Variants in PARD3B observed in about 807,000 individuals in gnomAD.
PARD3B encodes the protein par-3 family cell polarity regulator beta.
Under a neutral mutation model 130.2 loss-of-function variants are expected in PARD3B, and 103 were observed. That is an observed-to-expected ratio of 0.79 (90% CI 0.67 to 0.93). The LOEUF is 0.93. PARD3B is among the 40% of genes least tolerant of loss of function. The pLI, the probability that PARD3B is intolerant of heterozygous loss-of-function variation, is 0.00. For missense variants in PARD3B, 1,609 were observed against 1,499.2 expected (o/e 1.07, Z -1.21); for synonymous variants, 583 against 553.2 (o/e 1.05, Z -0.76).
intron 18 of PARD3B, among the ~76,000 whole-genome samples, chr2:205,339,956 A>T (rs1056000190): frequency 4.7e-5 from 7 of 149,020 alleles, no homozygotes; most frequent in Non-Finnish European, 1.0e-4. Flanking sequence ...AAACAGGAAA[A>T]TGTATCTTTT....
intron 4 of PARD3B, among the ~76,000 whole-genome samples, chr2:205,100,789 T>C (rs1373907574): frequency 2.0e-5 from 3 of 152,060 alleles, no homozygotes; most frequent in Non-Finnish European, 4.4e-5. Flanking sequence ...GATATCCACA[T>C]GCAAAGAATG....
intron 20 of PARD3B, among the ~76,000 whole-genome samples, chr2:205,479,451 T>A (rs1166359500): frequency 2.0e-5 from 3 of 152,136 alleles, no homozygotes; most frequent in African/African-American, 7.2e-5. Context: ...AACCTATGAA[T>A]GATCACCATG....
At position 205,248,808 on chromosome 2, in the gene PARD3B, C is replaced by A. The variant is rs901428843; in HGVS notation, c.2185+2986C>A. Among the ~76,000 whole-genome samples the A allele has an allele frequency of 5.9e-5, 9 of 151,500 alleles. 1 individual carries two copies. The South Asian group carries it at 1.5e-3, about 25-fold the overall frequency. ...ATTTTCAGTAGAGACAAGGTTTCAC[C>A]ATGTTAGCCAGGATGGTTTCGATCT... On this transcript the variant is annotated intron_variant, in intron 16 of 22. Coordinates refer to ENST00000406610, the MANE Select transcript of PARD3B (RefSeq NM_001302769.2).
chr2:205,006,642 C>T (rs1695288160), intron 3 of PARD3B, among the ~76,000 whole-genome samples: 1 of 152,010 alleles, frequency 6.6e-6, no homozygotes. Flanking sequence ...GTCCTTTGCC[C>T]ACTTTTTGAT....
chr2:205,454,290 A>G (rs1279807250), intron 20 of PARD3B, among the ~76,000 whole-genome samples: 1 of 152,102 alleles, frequency 6.6e-6, no homozygotes, highest in African/African-American at 2.4e-5. Context: ...TAATTTTTGT[A>G]TTTAATGCAA....
In PARD3B at chr2:205,351,519, G is replaced by A. The variant is rs904587554; in HGVS notation, c.2631-49494G>A. ...ATAAGCAATTTGGGCTGGAGTGAGA[G>A]GCGAGGAAGAAAGCCACAGCCAAGA... On this transcript the variant is annotated intron_variant, in intron 18 of 22. Transcript: ENST00000406610. This position sits in a 1 kb window ranked among gnomAD's most constrained non-coding sequence, Gnocchi z 4.2. Among the ~76,000 whole-genome samples, 7 of 152,116 alleles carry A rather than the reference G, an allele frequency of 4.6e-5. 1 individual carries two copies. The highest frequency in any genetic ancestry group is 9.7e-5 in the African/African-American group (4 of 41,418).
chr2:204,681,280 TG>T (rs1421363690), intron 1 of PARD3B, among the ~76,000 whole-genome samples: 1 of 152,196 alleles, frequency 6.6e-6, no homozygotes, highest in East Asian at 1.9e-4. Flanking sequence ...TTTTTAGATC[TG>T]GAAGTAAATA....
intron 2 of PARD3B, among the ~76,000 whole-genome samples, chr2:204,741,766 G>A (rs983461282): frequency 6.6e-6 from 1 of 152,098 alleles, no homozygotes; most frequent in African/African-American, 2.4e-5. Context: ...TCCCAGTGGG[G>A]ACACAAGCCA....
chr2:205,577,920 A>G (rs2106562224), intron 22 of PARD3B, among the ~76,000 whole-genome samples: 1 of 152,320 alleles, frequency 6.6e-6, no homozygotes, highest in African/African-American at 2.4e-5. Context: ...CTTCTATAAC[A>G]TTTATTTCTG....
intron 11 of PARD3B, among the ~76,000 whole-genome samples, chr2:205,167,456 A>T (rs939630785): frequency 2.6e-5 from 4 of 152,176 alleles, no homozygotes; most frequent in African/African-American, 9.7e-5. Flanking sequence ...TCACTAGCAG[A>T]TTGTTTGAAA....
rs1348120476 is a variant in PARD3B at position 205,158,118 on chromosome 2, A to G, written c.1435-604A>G. 6.6e-6 allele frequency among the ~76,000 whole-genome samples: 1 copy of G among 152,194 alleles called. No homozygotes were observed. The highest frequency in any genetic ancestry group is 2.4e-5 in the African/African-American group (1 of 41,442). The stretch of plus-strand genomic sequence containing the variant: ...ATGCAGGCTGAAAGCATGAGTTTTG[A>G]CAAAGTGAAATTTCATTTGATGATA... On this transcript the variant is annotated intron_variant, in intron 10 of 22. Transcript: ENST00000406610. This position sits in a 1 kb window ranked among gnomAD's most constrained non-coding sequence, Gnocchi z 5.4.
At chr2:204,843,335 C>T (rs919435197) in intron 2 of PARD3B, among the ~76,000 whole-genome samples, 2 of 152,110 alleles carry the variant, frequency 1.3e-5, no homozygotes, top group Admixed American at 1.3e-4. Context: ...TATATCTATG[C>T]TGCATAATCA....
At chr2:204,914,644 T>A (rs1362688653) in intron 2 of PARD3B, among the ~76,000 whole-genome samples, 1 of 152,166 alleles carries the variant, frequency 6.6e-6, no homozygotes, top group East Asian at 1.9e-4. Context: ...AGAAACCTCC[T>A]GTGGACCCCA....
intron 3 of PARD3B, among the ~76,000 whole-genome samples, chr2:205,023,564 T>C (rs1696792857): frequency 7.5e-6 from 1 of 133,874 alleles, no homozygotes; most frequent in African/African-American, 2.8e-5. Flanking sequence ...CCTGTTTTTT[T>C]AAACTGGGAA....
At chr2:204,608,615 C>T (rs971678851) in intron 1 of PARD3B, among the ~76,000 whole-genome samples, 5 of 152,134 alleles carry the variant, frequency 3.3e-5, no homozygotes, top group African/African-American at 1.2e-4. Flanking sequence ...TTGGTTGGCT[C>T]AGTAGATTTT....
intron 3 of PARD3B, among the ~76,000 whole-genome samples, chr2:205,001,702 C>A (rs1462463375): frequency 1.3e-5 from 2 of 152,156 alleles, no homozygotes; most frequent in Admixed American, 1.3e-4. Context: ...GGCAGGGAGG[C>A]GTAATGTGCT....
Position 204,583,067 on chromosome 2 carries a change from C to T in PARD3B, c.120+36948C>T, listed in dbSNP as rs904592780. Among the ~76,000 whole-genome samples, 7 of 148,934 alleles carry T rather than the reference C, an allele frequency of 4.7e-5. 1 individual carries two copies. In the South Asian group the frequency reaches 8.8e-4, roughly 19 times the overall value. On this transcript the variant is annotated intron_variant, in intron 1 of 22. Coordinates refer to ENST00000406610, the MANE Select transcript of PARD3B (RefSeq NM_001302769.2). ...TCAACCATTGTGGAAGTCAGTGTGG[C>T]GATTCCTCAGGGATCTAGAACTAGA... is the stretch of plus-strand genomic sequence containing the variant.
At position 204,678,685 on chromosome 2, in the gene PARD3B, C is replaced by T. The variant is rs1285750091; in HGVS notation, c.121-7496C>T. On this transcript the variant is annotated intron_variant, in intron 1 of 22. Coordinates refer to ENST00000406610, the MANE Select transcript of PARD3B (RefSeq NM_001302769.2). This position sits in a 1 kb window ranked among gnomAD's most constrained non-coding sequence, Gnocchi z 4.2. Reference sequence around the variant, plus strand: ...CGCAGTTGCTTCTCCTCTCGATGTTCAGCCGCTTGTCTCTCTGCCAGCTGA... The same window carrying T: ...CGCAGTTGCTTCTCCTCTCGATGTTTAGCCGCTTGTCTCTCTGCCAGCTGA... 1.3e-5 allele frequency among the ~76,000 whole-genome samples: 2 copies of T among 152,170 alleles called. No homozygotes were observed. Among genetic ancestry groups the T allele is most frequent in the Non-Finnish European group, 2.9e-5 (2 of 67,988 alleles).
chr2:205,144,760 G>C (rs1187992282), intron 10 of PARD3B, among the ~76,000 whole-genome samples: 1 of 152,076 alleles, frequency 6.6e-6, no homozygotes, highest in Non-Finnish European at 1.5e-5. Context: ...TCTCTACTTG[G>C]AATTTCGAAT....
Sources: gnomAD v4.1 joint callset for allele counts (sites outside exome capture counted in the v4.1 genomes callset) on GRCh38, gnomAD v4.1.1 for gene constraint, Gnocchi (gnomAD v3.1) non-coding constraint, MANE v1.5 for transcripts, NCBI Gene and HGNC (gene_info 2026-07-23, HGNC 2026-07-21) for gene names.